GRM5: variants seen among roughly 807,000 people sequenced by gnomAD.
GRM5 encodes glutamate metabotropic receptor 5.
In GRM5, 19 loss-of-function variants were observed where a neutral mutation model predicts 83.1. The observed-to-expected ratio is 0.23, with a 90% CI of 0.16 to 0.34. The LOEUF is 0.34. Among genes scored for constraint, GRM5 ranks in the 10% least tolerant of loss-of-function variants. The probability of loss-of-function intolerance (pLI) is 1.00; values close to 1 mark genes in which losing one functional copy is unlikely to be tolerated. For missense variants in GRM5, 1,160 were observed against 1,588.3 expected (o/e 0.73, Z 4.58); for synonymous variants, 675 against 633.6 (o/e 1.07, Z -0.98).
chr11:89,041,957 C>T (rs567946660), intron 2 of GRM5, among the ~76,000 whole-genome samples: 6 of 152,148 alleles, frequency 3.9e-5, no homozygotes, highest in Non-Finnish European at 7.4e-5. Flanking sequence ...TCAGAGTTTC[C>T]GCAAACCTTC....
chr11:88,716,810 T>C (rs1941410069), intron 3 of GRM5, among the ~76,000 whole-genome samples: 1 of 151,358 alleles, frequency 6.6e-6, no homozygotes. Context: ...GAGAAGTACT[T>C]ACCATTCTCT....
intron 2 of GRM5, among the ~76,000 whole-genome samples, chr11:88,943,500 G>C (rs3913995): frequency 1.3e-5 from 2 of 151,964 alleles, no homozygotes; most frequent in Non-Finnish European, 2.9e-5. Context: ...GCATATTGCT[G>C]CTACTCACTC....
chr11:88,769,490 T>G, intron 3 of GRM5, among the ~76,000 whole-genome samples: 1 of 152,130 alleles, frequency 6.6e-6, no homozygotes, highest in Non-Finnish European at 1.5e-5. Flanking sequence ...GTAACCAGTG[T>G]TGCTTGGAGA....
At chr11:88,939,182 T>C (rs1938001931) in intron 2 of GRM5, among the ~76,000 whole-genome samples, 1 of 151,784 alleles carries the variant, frequency 6.6e-6, no homozygotes, top group Admixed American at 6.6e-5. Flanking sequence ...TCACCAAATA[T>C]ATATTCAAAT....
At chr11:88,568,074 T>C in intron 7 of GRM5, 82 bp from the exon 8 acceptor site, 1 of 813,680 alleles carries the variant, frequency 1.2e-6, no homozygotes, top group Admixed American at 2.7e-5. Flanking sequence ...AGCAGCTGTT[T>C]ATGACCATTT....
chr11:88,674,926 T>TA (rs1439170465), intron 3 of GRM5, among the ~76,000 whole-genome samples: 4 of 152,002 alleles, frequency 2.6e-5, no homozygotes, highest in Admixed American at 2.6e-4. Flanking sequence ...TAAGATCCTT[T>TA]ATCCTGTAAT....
chr11:88,553,405 C>T (rs1267645866), intron 8 of GRM5, among the ~76,000 whole-genome samples: 2 of 152,098 alleles, frequency 1.3e-5, no homozygotes. Context: ...GTTCCTGTTC[C>T]CCCTCATTTT....
chr11:88,956,097 C>A (rs544337987), intron 2 of GRM5, among the ~76,000 whole-genome samples: 2 of 152,326 alleles, frequency 1.3e-5, no homozygotes, highest in Non-Finnish European at 2.9e-5. Flanking sequence ...ATTCCTGATA[C>A]TATTCACAAG....
intron 1 of GRM5, among the ~76,000 whole-genome samples, chr11:89,054,783 C>A (rs1288322373): frequency 1.3e-5 from 2 of 152,054 alleles, no homozygotes; most frequent in Non-Finnish European, 2.9e-5. Context: ...GGACGGTATG[C>A]TTTGATTTTC....
Position 88,712,125 on chromosome 11 carries a change from C to G in GRM5, c.912-58722G>C, listed in dbSNP as rs1047998181. ...TTCCTTGCAAGTCGAAAATCCTTCTCTCTTGTCTTGTATAACTAATTCTAT... is the reference window on the plus strand; with the variant it reads ...TTCCTTGCAAGTCGAAAATCCTTCTGTCTTGTCTTGTATAACTAATTCTAT... On this transcript the variant is annotated intron_variant, in intron 3 of 9. Coordinates refer to ENST00000305447, the MANE Select transcript of GRM5 (RefSeq NM_001143831.3). 2.6e-5 allele frequency among the ~76,000 whole-genome samples: 4 copies of G among 152,158 alleles called. No individual in the cohort carries two copies. In the East Asian group the frequency reaches 7.7e-4, roughly 29 times the overall value.
Position 88,568,004 on chromosome 11 carries a change from C to G in GRM5, c.1691-12G>C. ...GATCAAGTCACAACCTGCAGAGACA[C>G]AAACACATATTGTAAAGGAGGGAGA... On this transcript the variant is annotated splice_polypyrimidine_tract_variant and intron_variant, in intron 7 of 9. Transcript: ENST00000305447. 1 of 1,559,862 alleles carries G rather than the reference C, an allele frequency of 6.4e-7. No individual in the cohort carries two copies. Among genetic ancestry groups the G allele is most frequent in the African/African-American group, 1.4e-5 (1 of 73,900 alleles).
intron 2 of GRM5, among the ~76,000 whole-genome samples, chr11:89,031,627 T>G (rs954894449): frequency 6.6e-6 from 1 of 151,980 alleles, no homozygotes; most frequent in African/African-American, 2.4e-5. Context: ...ATTATGTATA[T>G]AGCTGCTTTT....
At chr11:89,028,063 G>C (rs1254378681) in intron 2 of GRM5, among the ~76,000 whole-genome samples, 1 of 152,114 alleles carries the variant, frequency 6.6e-6, no homozygotes, top group East Asian at 1.9e-4. Flanking sequence ...CACTATCTTA[G>C]AATCATCAAA....
At chr11:89,002,193 T>C (rs1045132996) in intron 2 of GRM5, among the ~76,000 whole-genome samples, 5 of 152,182 alleles carry the variant, frequency 3.3e-5, no homozygotes, top group African/African-American at 1.2e-4. Flanking sequence ...AAGAAAAATG[T>C]AACATGCCAA....
intron 4 of GRM5, among the ~76,000 whole-genome samples, chr11:88,608,205 C>T (rs1310802446): frequency 2.0e-5 from 3 of 152,088 alleles, no homozygotes; most frequent in African/African-American, 4.8e-5. Context: ...TTTCCCATAA[C>T]TTGCATATGA....
intron 2 of GRM5, among the ~76,000 whole-genome samples, chr11:88,963,663 T>A (rs1235110285): frequency 6.6e-6 from 1 of 152,238 alleles, no homozygotes; most frequent in Non-Finnish European, 1.5e-5. Context: ...TTACTTTTTT[T>A]ATCTTGTTTA....
chr11:88,700,488 A>G (rs1285086767), intron 3 of GRM5, among the ~76,000 whole-genome samples: 2 of 152,180 alleles, frequency 1.3e-5, no homozygotes, highest in Non-Finnish European at 2.9e-5. Flanking sequence ...GTATGGCACA[A>G]CTGCTCAAGG....
intron 3 of GRM5, among the ~76,000 whole-genome samples, chr11:88,726,534 C>CA (rs1357890786): frequency 6.6e-6 from 1 of 152,010 alleles, no homozygotes; most frequent in East Asian, 1.9e-4. Flanking sequence ...AGAAAATATA[C>CA]AAAAACACCA....
chr11:88,552,032 TC>T (rs1394512051), intron 8 of GRM5, among the ~76,000 whole-genome samples: 1 of 108,312 alleles, frequency 9.2e-6, no homozygotes, highest in African/African-American at 7.3e-5. Flanking sequence ...AAATGTCACA[TC>T]TTTTTTTTTT....
Sources: gnomAD v4.1 joint callset for allele counts (sites outside exome capture counted in the v4.1 genomes callset) on GRCh38, gnomAD v4.1.1 for gene constraint, MANE v1.5 for transcripts, NCBI Gene and HGNC (gene_info 2026-07-23, HGNC 2026-07-21) for gene names.